Variants in GRID2 observed in about 807,000 individuals in gnomAD.
GRID2 encodes glutamate receptor ionotropic, delta-2.
In GRID2, 33 loss-of-function variants were observed where a neutral mutation model predicts 114.8. That is an observed-to-expected ratio of 0.29 (90% CI 0.22 to 0.38). The LOEUF (loss-of-function observed/expected upper bound fraction) is 0.38. Ranked by LOEUF, GRID2 falls within the 10% of genes least tolerant of loss-of-function variation. The pLI is 1.00. For missense variants in GRID2, 1,184 were observed against 1,257.7 expected (o/e 0.94, Z 0.89); for synonymous variants, 505 against 449.9 (o/e 1.12, Z -1.55).
chr4:92,812,246 C>T (rs1233398853), intron 2 of GRID2, among the ~76,000 whole-genome samples: 1 of 152,014 alleles, frequency 6.6e-6, no homozygotes, highest in East Asian at 1.9e-4. Context: ...AGATATATGT[C>T]AGTTTAGACA....
chr4:92,410,174 A>G (rs1731227479), intron 1 of GRID2, among the ~76,000 whole-genome samples: 1 of 152,130 alleles, frequency 6.6e-6, no homozygotes, highest in Admixed American at 6.6e-5. Context: ...AGCATCTTCT[A>G]TCTGTCCTTG....
intron 2 of GRID2, among the ~76,000 whole-genome samples, chr4:92,913,411 A>G (rs1451329352): frequency 1.3e-5 from 2 of 151,728 alleles, no homozygotes; most frequent in African/African-American, 2.4e-5. Flanking sequence ...AACAACCTAC[A>G]TTTTTTCCAG....
At chr4:92,978,266 C>T (rs533081905) in intron 2 of GRID2, among the ~76,000 whole-genome samples, 1 of 147,672 alleles carries the variant, frequency 6.8e-6, no homozygotes, top group African/African-American at 2.5e-5. Context: ...AACATTTTTC[C>T]ACAGTTTGAT....
intron 7 of GRID2, among the ~76,000 whole-genome samples, chr4:93,236,669 T>C (rs912120433): frequency 6.6e-6 from 1 of 151,992 alleles, no homozygotes; most frequent in African/African-American, 2.4e-5. Flanking sequence ...TCACCCTCAG[T>C]TGCTGCCCTA....
At chr4:93,614,790 A>G (rs1224582105) in intron 13 of GRID2, among the ~76,000 whole-genome samples, 2 of 152,184 alleles carry the variant, frequency 1.3e-5, no homozygotes, top group Non-Finnish European at 2.9e-5. Context: ...TAAGACATAT[A>G]AGTGTGAAAC....
chr4:92,707,736 T>A lies in GRID2; in HGVS notation c.244+117450T>A, dbSNP rs546309282. ...AACATTGCAAGGAAAGAGACAAAAATAAAATACCATTTTAAACAAGAAAAT... is the reference window on the plus strand; with the variant it reads ...AACATTGCAAGGAAAGAGACAAAAAAAAAATACCATTTTAAACAAGAAAAT... On this transcript the variant is annotated intron_variant, in intron 2 of 15. Transcript: ENST00000282020. Among the ~76,000 whole-genome samples the A allele has an allele frequency of 1.3e-4, 20 of 152,244 alleles. No homozygotes were observed. The South Asian group carries it at 3.5e-3, about 27-fold the overall frequency.
intron 13 of GRID2, among the ~76,000 whole-genome samples, chr4:93,535,007 C>T (rs1731890463): frequency 6.6e-6 from 1 of 151,966 alleles, no homozygotes; most frequent in South Asian, 2.1e-4. Context: ...CTTTGACCAA[C>T]ATCTTCCCAT....
intron 1 of GRID2, among the ~76,000 whole-genome samples, chr4:92,426,374 G>A (rs930105933): frequency 2.6e-5 from 4 of 152,084 alleles, no homozygotes; most frequent in Non-Finnish European, 5.9e-5. Flanking sequence ...GGTAGAAAAG[G>A]TATATGCTTT....
At chr4:93,090,199 A>G (rs1446612083) in intron 3 of GRID2, among the ~76,000 whole-genome samples, 2 of 152,172 alleles carry the variant, frequency 1.3e-5, no homozygotes, top group Non-Finnish European at 2.9e-5. Flanking sequence ...ATTTATTTAA[A>G]GAGACTATAA....
chr4:92,657,387 C>G (rs1732295736), intron 2 of GRID2, among the ~76,000 whole-genome samples: 2 of 151,294 alleles, frequency 1.3e-5, no homozygotes, highest in South Asian at 4.2e-4. Flanking sequence ...GGTATGTTTT[C>G]CTAATTAATA....
intron 11 of GRID2, among the ~76,000 whole-genome samples, chr4:93,470,336 A>C (rs965580746): frequency 3.3e-5 from 5 of 152,136 alleles, no homozygotes; most frequent in Non-Finnish European, 5.9e-5. Flanking sequence ...CTAAAAGGCA[A>C]TTTAACATGC....
At chr4:93,277,632 T>C (rs1752197057) in intron 8 of GRID2, among the ~76,000 whole-genome samples, 1 of 152,000 alleles carries the variant, frequency 6.6e-6, no homozygotes, top group African/African-American at 2.4e-5. Context: ...TAAATTTAAT[T>C]ACACATTGAA....
At chr4:93,677,818 A>C (rs565357053) in intron 14 of GRID2, among the ~76,000 whole-genome samples, 1 of 152,168 alleles carries the variant, frequency 6.6e-6, no homozygotes, top group Non-Finnish European at 1.5e-5. Flanking sequence ...AGATAAAACC[A>C]CAAAGATGGG....
chr4:92,323,339 G>A (rs1014418804), intron 1 of GRID2, among the ~76,000 whole-genome samples: 2 of 151,972 alleles, frequency 1.3e-5, no homozygotes, highest in Non-Finnish European at 2.9e-5. Context: ...ATATTGTCTT[G>A]CATTTTTGAA....
chr4:92,770,464 G>T (rs572274457), intron 2 of GRID2, among the ~76,000 whole-genome samples: 2 of 151,958 alleles, frequency 1.3e-5, no homozygotes, highest in African/African-American at 4.8e-5. Flanking sequence ...CAGCAGTGTC[G>T]CACTCCCAGC....
At chr4:92,888,043 T>C (rs1394633967) in intron 2 of GRID2, among the ~76,000 whole-genome samples, 1 of 152,192 alleles carries the variant, frequency 6.6e-6, no homozygotes, top group Non-Finnish European at 1.5e-5. Flanking sequence ...TGTGATAGTA[T>C]CTATGAAACC....
At chr4:93,782,727 GA>G (rs377574409) in intron 1 of GRID2, among the ~76,000 whole-genome samples, 4 of 152,006 alleles carry the variant, frequency 2.6e-5, no homozygotes, top group African/African-American at 9.6e-5. Context: ...CCAATTCTAA[GA>G]AAAAAATATC....
intron 14 of GRID2, among the ~76,000 whole-genome samples, chr4:93,763,475 T>A (rs1733381981): frequency 6.6e-6 from 1 of 152,202 alleles, no homozygotes; most frequent in Non-Finnish European, 1.5e-5. Flanking sequence ...TATAATTATA[T>A]TGTTTGGTTT....
intron 13 of GRID2, among the ~76,000 whole-genome samples, chr4:93,605,536 T>G (rs1740143026): frequency 6.6e-6 from 1 of 152,202 alleles, no homozygotes; most frequent in African/African-American, 2.4e-5. Flanking sequence ...CCGTTATTAC[T>G]TGGTCCTTAT....
Sources: allele counts gnomAD v4.1 joint callset (sites outside exome capture counted in the v4.1 genomes callset), GRCh38; gene constraint gnomAD v4.1.1; transcripts MANE v1.5; gene names NCBI Gene and HGNC (gene_info 2026-07-23, HGNC 2026-07-21).